TMEM132C: variants seen among roughly 807,000 people sequenced by gnomAD.
TMEM132C encodes protein phosphatase 1, regulatory subunit 152.
In TMEM132C, 29 loss-of-function variants were observed where a neutral mutation model predicts 61.4. The observed-to-expected ratio is 0.47, with a 90% confidence interval of 0.35 to 0.64. The LOEUF (loss-of-function observed/expected upper bound fraction) is 0.64, where lower values mean the gene tolerates loss of function less well. Among genes scored for constraint, TMEM132C ranks in the 30% least tolerant of loss-of-function variants. TMEM132C has a pLI of 0.00. For synonymous variants in TMEM132C, 656 were observed against 633.1 expected (o/e 1.04, Z -0.54); for missense variants, 1,408 against 1,476.9 (o/e 0.95, Z 0.76).
At chr12:128,547,180 ATTCTTGC>A (rs1873981486) in intron 3 of TMEM132C, among the ~76,000 whole-genome samples, 1 of 152,104 alleles carries the variant, frequency 6.6e-6, no homozygotes, top group South Asian at 2.1e-4. Flanking sequence ...AGGAGTGTGT[ATTCTTGC>A]TTCAAGGTGA....
At chr12:128,317,682 C>T (rs980156094) in intron 1 of TMEM132C, among the ~76,000 whole-genome samples, 32 of 152,140 alleles carry the variant, frequency 2.1e-4, no homozygotes, top group African/African-American at 2.4e-5. Context: ...GTCAGCAGTT[C>T]GAGCCCAGTC....
intron 2 of TMEM132C, among the ~76,000 whole-genome samples, chr12:128,526,548 G>A (rs1488869246): frequency 2.6e-5 from 4 of 152,196 alleles, no homozygotes; most frequent in East Asian, 1.9e-4. Context: ...CAAACATTCC[G>A]ACTATAGCAT....
At chr12:128,421,345 G>A (rs1215911264) in intron 2 of TMEM132C, among the ~76,000 whole-genome samples, 1 of 152,198 alleles carries the variant, frequency 6.6e-6, no homozygotes, top group Non-Finnish European at 1.5e-5. Flanking sequence ...GATCACAGGA[G>A]AAATCCACCC....
intron 8 of TMEM132C, among the ~76,000 whole-genome samples, chr12:128,702,858 G>A (rs1382809665): frequency 6.6e-6 from 1 of 152,206 alleles, no homozygotes; most frequent in African/African-American, 2.4e-5. Flanking sequence ...TCCCTGGGCT[G>A]CAATGACAGT....
At chr12:128,372,875 T>C (rs1417641500) in intron 1 of TMEM132C, among the ~76,000 whole-genome samples, 1 of 152,072 alleles carries the variant, frequency 6.6e-6, no homozygotes, top group African/African-American at 2.4e-5. Flanking sequence ...TAAAACCAAG[T>C]AGGTGCTGAA....
Position 128,477,862 on chromosome 12 carries a change from G to A in TMEM132C, c.974+62242G>A, listed in dbSNP as rs547339872. Reference sequence around the variant, plus strand: ...CTCCCAGAGTGCTGGGGTTATAGGCGTGAGCCACCATGGCCAGCTGGGCAG... The same window carrying A: ...CTCCCAGAGTGCTGGGGTTATAGGCATGAGCCACCATGGCCAGCTGGGCAG... On this transcript the variant is annotated intron_variant, in intron 2 of 8. Transcript: ENST00000435159. Among the ~76,000 whole-genome samples, 34 of 152,246 alleles carry A rather than the reference G, an allele frequency of 2.2e-4. No homozygotes were observed. In the South Asian group the frequency reaches 6.2e-3, roughly 28 times the overall value.
Position 128,694,002 on chromosome 12 carries a change from G to A in TMEM132C, c.1623G>A (p.Lys541=). Residue 541 remains lysine, a synonymous_variant, in exon 6 of 9, where the codon AAG becomes AAA. Transcript: ENST00000435159. ...EVSDTELSQI[K]GWRVPIVTNK... is the part of the protein sequence containing the mutation. The stretch of plus-strand genomic sequence containing the variant: ...CTGACACGGAGCTCAGCCAGATAAA[G>A]GGCTGGAGGGTCCCCATTGTGACCA... The A allele has an allele frequency of 6.4e-7, 1 of 1,551,734 alleles. No individual in the cohort carries two copies. The highest frequency in any genetic ancestry group is 8.7e-7 in the Non-Finnish European group (1 of 1,147,006).
intron 3 of TMEM132C, among the ~76,000 whole-genome samples, chr12:128,562,509 A>G (rs1874557854): frequency 6.6e-6 from 1 of 152,074 alleles, no homozygotes; most frequent in African/African-American, 2.4e-5. Flanking sequence ...GTATTTTCTC[A>G]CCAGGGGTGT....
intron 1 of TMEM132C, among the ~76,000 whole-genome samples, chr12:128,395,549 G>T (rs146715304): frequency 6.6e-6 from 1 of 152,114 alleles, no homozygotes; most frequent in Non-Finnish European, 1.5e-5. Context: ...ATGAAACATC[G>T]CAGCTCAGCC....
intron 5 of TMEM132C, among the ~76,000 whole-genome samples, chr12:128,677,143 C>T (rs1309818713): frequency 1.3e-5 from 2 of 152,180 alleles, no homozygotes; most frequent in African/African-American, 4.8e-5. Context: ...TTTAAAACAT[C>T]TTTGACATAA....
chr12:128,704,884 AG>A (rs1954825461), intron 8 of TMEM132C, among the ~76,000 whole-genome samples: 1 of 152,206 alleles, frequency 6.6e-6, no homozygotes, highest in Non-Finnish European at 1.5e-5. Flanking sequence ...GGGCACTGTT[AG>A]TCACATCCCC....
At chr12:128,624,058 C>T (rs574789696) in intron 4 of TMEM132C, among the ~76,000 whole-genome samples, 5 of 152,282 alleles carry the variant, frequency 3.3e-5, no homozygotes, top group African/African-American at 9.6e-5. Flanking sequence ...CAGCCTTTCT[C>T]ATTTTTTGCC....
At chr12:128,535,844 G>A (rs1280166866) in intron 2 of TMEM132C, among the ~76,000 whole-genome samples, 2 of 147,924 alleles carry the variant, frequency 1.4e-5, no homozygotes, top group South Asian at 2.2e-4. Flanking sequence ...CTCCAGCCTG[G>A]GTGACAGAGC....
At chr12:128,593,762 A>T (rs888918805) in intron 3 of TMEM132C, among the ~76,000 whole-genome samples, 4 of 152,102 alleles carry the variant, frequency 2.6e-5, no homozygotes, top group African/African-American at 9.7e-5. Context: ...CAATCCCTTG[A>T]ACAATTCTGA....
intron 1 of TMEM132C, among the ~76,000 whole-genome samples, chr12:128,380,836 C>CT (rs892713784): frequency 3.9e-5 from 6 of 152,170 alleles, no homozygotes; most frequent in Admixed American, 6.5e-5. Context: ...AATGCATAAC[C>CT]TGATTATATG....
rs183741649 is a variant in TMEM132C at position 128,625,590 on chromosome 12, G to A, written c.1305+9255G>A. 3.3e-5 allele frequency among the ~76,000 whole-genome samples: 5 copies of A among 152,290 alleles called. No homozygotes were observed. In the East Asian group the frequency reaches 7.7e-4, roughly 24 times the overall value. ...AGGCAAAGAGAATTTCGAACCAAGT[G>A]AAAGGGGAAACCCCTTATAAAACCA... On this transcript the variant is annotated intron_variant, in intron 4 of 8. Coordinates refer to ENST00000435159, the MANE Select transcript of TMEM132C (RefSeq NM_001136103.3).
chr12:128,496,288 G>A (rs1404253394), intron 2 of TMEM132C, among the ~76,000 whole-genome samples: 2 of 152,026 alleles, frequency 1.3e-5, no homozygotes, highest in African/African-American at 4.8e-5. Context: ...TTTCAACTTT[G>A]GTGAATCTGA....
chr12:128,351,079 C>T (rs1418711974), intron 1 of TMEM132C, among the ~76,000 whole-genome samples: 1 of 152,172 alleles, frequency 6.6e-6, no homozygotes, highest in Non-Finnish European at 1.5e-5. Context: ...GAACTGCTCT[C>T]TTATTTAAGC....
intron 2 of TMEM132C, among the ~76,000 whole-genome samples, chr12:128,522,089 C>T (rs1033235239): frequency 3.3e-5 from 5 of 152,208 alleles, no homozygotes; most frequent in African/African-American, 4.8e-5. Flanking sequence ...TGGGACACCA[C>T]GCCTTGACAC....
Sources: allele counts gnomAD v4.1 joint callset (sites outside exome capture counted in the v4.1 genomes callset), GRCh38; gene constraint gnomAD v4.1.1; transcripts MANE v1.5; gene names NCBI Gene and HGNC (gene_info 2026-07-23, HGNC 2026-07-21).